The following CLDN11 variants were observed in gnomAD, a reference collection of about 807,000 sequenced individuals.
CLDN11 encodes claudin 11, also known as claudin-11.
In CLDN11, 1 loss-of-function variant was observed where a neutral mutation model predicts 18.0. The ratio of observed to expected loss-of-function variants is 0.06; its 90% CI spans 0.02 to 0.26. CLDN11 has a LOEUF of 0.26. CLDN11 is among the 10% of genes least tolerant of loss of function. The pLI, the probability that CLDN11 is intolerant of heterozygous loss-of-function variation, is 1.00. For synonymous variants in CLDN11, 116 were observed against 121.5 expected, an observed-to-expected ratio of 0.96 and a Z score of 0.30; for missense variants, 172 against 276.6, an observed-to-expected ratio of 0.62 and a Z score of 2.68.
chr3:170,421,152 T>TGGGGGGGGGGGGGGGGGGG (rs71176567), intron 1 of CLDN11: 1 of 154,942 alleles, frequency 6.5e-6, no homozygotes, highest in African/African-American at 3.7e-5. Flanking sequence ...ACTCTGGGGG[T>TGGGGGGGGGGGGGGGGGGG]GGGGGGGGGG....
At chr3:170,420,415 C>T (rs1487031494) in intron 1 of CLDN11, among the ~76,000 whole-genome samples, 4 of 152,224 alleles carry the variant, frequency 2.6e-5, no homozygotes, top group Non-Finnish European at 5.9e-5. Flanking sequence ...TAAGACTGTG[C>T]TCGCCCCTTA....
chr3:170,431,447 C>T (rs749004367), intron 2 of CLDN11, among the ~76,000 whole-genome samples: 10 of 151,978 alleles, frequency 6.6e-5, no homozygotes, highest in African/African-American at 1.7e-4. Context: ...CTGTGTTGTT[C>T]GGTACAGTAG....
intron 2 of CLDN11, among the ~76,000 whole-genome samples, chr3:170,430,085 C>T (rs897844248): frequency 2.6e-5 from 4 of 152,162 alleles, no homozygotes; most frequent in Admixed American, 6.5e-5. Flanking sequence ...TGTTTTTTGC[C>T]CACAGCAGAA....
Sources: allele counts gnomAD v4.1 joint callset (sites outside exome capture counted in the v4.1 genomes callset), GRCh38; gene constraint gnomAD v4.1.1; transcripts MANE v1.5; gene names NCBI Gene and HGNC (gene_info 2026-07-23, HGNC 2026-07-21).